Variants in CNTN4 observed in about 807,000 individuals in gnomAD.
The protein encoded by CNTN4 is contactin-4.
CNTN4 carries 77 observed loss-of-function variants against 122.5 expected under a neutral mutation model. The ratio of observed to expected loss-of-function variants is 0.63; its 90% CI spans 0.52 to 0.76. The LOEUF (loss-of-function observed/expected upper bound fraction) is 0.76, where lower values mean the gene tolerates loss of function less well. Among genes scored for constraint, CNTN4 ranks in the 30% least tolerant of loss-of-function variants. CNTN4 has a pLI of 0.00. For missense variants in CNTN4, 1,256 were observed against 1,259.1 expected, an observed-to-expected ratio of 1.00 and a Z score of 0.04; for synonymous variants, 512 against 447.0, an observed-to-expected ratio of 1.15 and a Z score of -1.83.
intron 13 of CNTN4, chr3:2,927,517 T>C (rs977174586): frequency 2.4e-5 from 7 of 291,062 alleles, no homozygotes; most frequent in African/African-American, 1.5e-4. Flanking sequence ...AATCTTGCTA[T>C]GTGCCTGGAA....
intron 2 of CNTN4, among the ~76,000 whole-genome samples, chr3:2,107,895 C>A (rs2032585726): frequency 6.6e-6 from 1 of 152,130 alleles, no homozygotes; most frequent in Non-Finnish European, 1.5e-5. Context: ...ATTTGGCATA[C>A]CCCTACCCAG....
chr3:2,850,181 G>C (rs1219349677), intron 7 of CNTN4, among the ~76,000 whole-genome samples: 2 of 151,960 alleles, frequency 1.3e-5, no homozygotes, highest in African/African-American at 2.4e-5. Flanking sequence ...GTAGAGACCA[G>C]GTTTCACCAT....
chr3:2,511,153 T>C (rs184427556), intron 3 of CNTN4, among the ~76,000 whole-genome samples: 1 of 152,306 alleles, frequency 6.6e-6, no homozygotes, highest in Non-Finnish European at 1.5e-5. Flanking sequence ...AACCGAATCA[T>C]AGGGCAAACC....
chr3:2,485,645 C>G (rs2076136288), intron 3 of CNTN4, among the ~76,000 whole-genome samples: 1 of 152,090 alleles, frequency 6.6e-6, no homozygotes, highest in Admixed American at 6.5e-5. Flanking sequence ...GAATCTTTGT[C>G]TAGCTAAGGG....
intron 3 of CNTN4, among the ~76,000 whole-genome samples, chr3:2,534,977 C>A (rs2077743522): frequency 6.6e-6 from 1 of 152,050 alleles, no homozygotes; most frequent in Non-Finnish European, 1.5e-5. Context: ...TCTTTGCATG[C>A]AGTGTAAAAG....
intron 12 of CNTN4, among the ~76,000 whole-genome samples, chr3:2,908,660 A>C (rs902160058): frequency 3.3e-5 from 5 of 152,206 alleles, no homozygotes; most frequent in African/African-American, 1.2e-4. Flanking sequence ...CTACCTCTTA[A>C]GTGGGGTTCC....
chr3:2,735,626 G>A lies in CNTN4; in HGVS notation c.56-589G>A, dbSNP rs533303155. ...TAGACCATATATGGCTTCATAAGACGTTGGGAAAACAAAGAACCTAGTCCT... is the reference window on the plus strand; with the variant it reads ...TAGACCATATATGGCTTCATAAGACATTGGGAAAACAAAGAACCTAGTCCT... On this transcript the variant is annotated intron_variant, in intron 4 of 24. Coordinates refer to ENST00000418658, the MANE Select transcript of CNTN4 (RefSeq NM_175607.3). Among the ~76,000 whole-genome samples, 23 of 152,296 alleles carry A rather than the reference G, an allele frequency of 1.5e-4. No homozygotes were observed. The South Asian group carries it at 3.5e-3, about 23-fold the overall frequency.
intron 4 of CNTN4, among the ~76,000 whole-genome samples, chr3:2,667,950 T>C (rs964425110): frequency 1.3e-4 from 20 of 152,238 alleles, no homozygotes; most frequent in Admixed American, 3.3e-4. Flanking sequence ...CATTGGTCTA[T>C]ATGTCTGTTT....
At chr3:2,261,712 C>CT (rs2040840615) in intron 2 of CNTN4, among the ~76,000 whole-genome samples, 1 of 152,084 alleles carries the variant, frequency 6.6e-6, no homozygotes, top group Admixed American at 6.6e-5. Context: ...TTGTGCTTTC[C>CT]TTTAAGTGGA....
intron 6 of CNTN4, among the ~76,000 whole-genome samples, chr3:2,764,337 A>G (rs1349988068): frequency 6.6e-6 from 1 of 152,248 alleles, no homozygotes; most frequent in Non-Finnish European, 1.5e-5. Flanking sequence ...TAAGAAAATG[A>G]TTGTAACTGA....
intron 2 of CNTN4, among the ~76,000 whole-genome samples, chr3:2,206,564 T>C (rs181540098): frequency 6.6e-6 from 1 of 152,268 alleles, no homozygotes; most frequent in East Asian, 1.9e-4. Flanking sequence ...TTGCACTTGA[T>C]TCTAAGACAG....
At chr3:2,480,226 C>G (rs1481128630) in intron 3 of CNTN4, among the ~76,000 whole-genome samples, 5 of 152,064 alleles carry the variant, frequency 3.3e-5, no homozygotes, top group Admixed American at 3.3e-4. Flanking sequence ...AGGATAACTT[C>G]TACCACTGCT....
At chr3:2,206,192 C>G (rs562680649) in intron 2 of CNTN4, among the ~76,000 whole-genome samples, 1 of 152,122 alleles carries the variant, frequency 6.6e-6, no homozygotes, top group South Asian at 2.1e-4. Flanking sequence ...GAAGTAATAC[C>G]TCACTGCAAC....
chr3:2,575,718 G>C (rs1457903420), intron 4 of CNTN4, among the ~76,000 whole-genome samples: 1 of 151,142 alleles, frequency 6.6e-6, no homozygotes, highest in African/African-American at 2.4e-5. Flanking sequence ...TATTTATTTT[G>C]ACCAATATCT....
intron 2 of CNTN4, chr3:2,144,247 G>A (rs1304005712): frequency 1.3e-5 from 2 of 152,156 alleles, no homozygotes; most frequent in Non-Finnish European, 2.9e-5. Flanking sequence ...TACATATCAG[G>A]CCTGGGGATT....
At chr3:2,323,077 A>C (rs984243821) in intron 2 of CNTN4, among the ~76,000 whole-genome samples, 3 of 152,148 alleles carry the variant, frequency 2.0e-5, no homozygotes, top group African/African-American at 7.2e-5. Flanking sequence ...TTTTTCTTGC[A>C]AGAGCTCTCT....
In CNTN4 at chr3:2,949,016, A is replaced by G. The variant is rs73116617; in HGVS notation, c.1358+23237A>G. 7.2e-3 allele frequency among the ~76,000 whole-genome samples: 1,096 copies of G among 152,148 alleles called. 18 individuals carry two copies. Among genetic ancestry groups the G allele is most frequent in the African/African-American group, 0.025 (1,045 of 41,514 alleles). ...TGCTTGCCATATCCTGCAGTGTCCT[A>G]CATAGCCAGGCCCCTACTTATCTCT... On this transcript the variant is annotated intron_variant, in intron 13 of 24. Transcript: ENST00000418658.
intron 2 of CNTN4, among the ~76,000 whole-genome samples, chr3:2,229,692 T>A (rs1034130922): frequency 3.9e-5 from 6 of 152,202 alleles, no homozygotes; most frequent in African/African-American, 1.4e-4. Context: ...TTAACTAATA[T>A]TTACTGAGAA....
At chr3:2,482,621 C>T (rs2076037129) in intron 3 of CNTN4, among the ~76,000 whole-genome samples, 1 of 152,086 alleles carries the variant, frequency 6.6e-6, no homozygotes, top group Non-Finnish European at 1.5e-5. Context: ...TTGAATGGGC[C>T]CAGGGAACCC....
Sources: allele counts gnomAD v4.1 joint callset (sites outside exome capture counted in the v4.1 genomes callset), GRCh38; gene constraint gnomAD v4.1.1; transcripts MANE v1.5; gene names NCBI Gene and HGNC (gene_info 2026-07-23, HGNC 2026-07-21).